Variants in MGLL observed in about 807,000 individuals in gnomAD.
MGLL encodes the protein lysophospholipase homolog.
MGLL carries 7 observed loss-of-function variants against 29.1 expected under a neutral mutation model. That is an observed-to-expected ratio of 0.24 (90% CI 0.14 to 0.45). The LOEUF (loss-of-function observed/expected upper bound fraction) is 0.45, where lower values mean the gene tolerates loss of function less well. MGLL is among the 20% of genes least tolerant of loss of function. The pLI is 0.99. For missense variants in MGLL, 356 were observed against 413.6 expected, an observed-to-expected ratio of 0.86 and a Z score of 1.21; for synonymous variants, 148 against 168.3, an observed-to-expected ratio of 0.88 and a Z score of 0.93.
intron 3 of MGLL, among the ~76,000 whole-genome samples, chr3:127,754,995 C>T (rs930280766): frequency 4.6e-5 from 7 of 152,098 alleles, no homozygotes; most frequent in Non-Finnish European, 7.4e-5. Context: ...CGGGTTTCCA[C>T]GAGATGGTGG....
chr3:127,743,914 C>T (rs2076392731), intron 3 of MGLL, among the ~76,000 whole-genome samples: 1 of 152,286 alleles, frequency 6.6e-6, no homozygotes, highest in African/African-American at 2.4e-5. Flanking sequence ...AACATGTTTT[C>T]GTCCCCCCGA....
chr3:127,815,687 G>GGA (rs2077741979), intron 2 of MGLL, among the ~76,000 whole-genome samples: 1 of 152,246 alleles, frequency 6.6e-6, no homozygotes, highest in African/African-American at 2.4e-5. Context: ...AGAAGGGCAA[G>GGA]TAGGAGCTGC....
chr3:127,699,695 G>T (rs373270788), intron 6 of MGLL, among the ~76,000 whole-genome samples: 246 of 152,312 alleles, frequency 1.6e-3, no homozygotes, highest in African/African-American at 5.8e-3. Flanking sequence ...GAAGGTGAAG[G>T]TCAGTGCTGG....
intron 3 of MGLL, among the ~76,000 whole-genome samples, chr3:127,740,273 T>C (rs2076315305): frequency 6.6e-6 from 1 of 152,190 alleles, no homozygotes; most frequent in Non-Finnish European, 1.5e-5. Context: ...ACCATCCAGC[T>C]TCGAACCCTG....
intron 5 of MGLL, chr3:127,715,356 A>C (rs2075793733): frequency 1.4e-5 from 4 of 295,432 alleles, no homozygotes; most frequent in Admixed American, 9.5e-5. Context: ...CTAAACCTGC[A>C]TAGTAAGTTC....
At chr3:127,811,543 A>C (rs2077662606) in intron 2 of MGLL, among the ~76,000 whole-genome samples, 2 of 152,328 alleles carry the variant, frequency 1.3e-5, no homozygotes, top group East Asian at 3.9e-4. Context: ...AAATGACCAC[A>C]AAATATTCTC....
At chr3:127,740,686 G>A (rs2076323903) in intron 3 of MGLL, among the ~76,000 whole-genome samples, 1 of 152,064 alleles carries the variant, frequency 6.6e-6, no homozygotes, top group East Asian at 1.9e-4. Context: ...CCAAGTGGAG[G>A]ATGAAGTCAC....
intron 2 of MGLL, among the ~76,000 whole-genome samples, chr3:127,809,638 T>TA (rs35000374): frequency 0.29 from 41,366 of 143,290 alleles, 6,223 homozygotes; most frequent in Middle Eastern, 0.4. Flanking sequence ...AAAACAACAA[T>TA]AAAAAAAAAA....
At chr3:127,727,227 A>C (rs1352492761) in intron 3 of MGLL, among the ~76,000 whole-genome samples, 1 of 152,218 alleles carries the variant, frequency 6.6e-6, no homozygotes, top group Non-Finnish European at 1.5e-5. Context: ...CCATTTCTCC[A>C]GGGAGCCCCA....
intron 2 of MGLL, among the ~76,000 whole-genome samples, chr3:127,802,162 C>T (rs1190861987): frequency 6.6e-6 from 1 of 152,144 alleles, no homozygotes; most frequent in African/African-American, 2.4e-5. Context: ...AGGGGACATC[C>T]GCTCCATACC....
intron 2 of MGLL, among the ~76,000 whole-genome samples, chr3:127,813,190 G>A (rs2077694888): frequency 6.6e-6 from 1 of 151,646 alleles, no homozygotes; most frequent in South Asian, 2.1e-4. Flanking sequence ...TTTTTCCCCT[G>A]CTTCCCTCCT....
At chr3:127,716,666 T>C (rs1024595978) in intron 5 of MGLL, among the ~76,000 whole-genome samples, 2 of 152,242 alleles carry the variant, frequency 1.3e-5, no homozygotes, top group East Asian at 3.8e-4. Context: ...CTCCCTGTGA[T>C]CATTTCTAAG....
chr3:127,736,454 T>C (rs991625392), intron 3 of MGLL: 82 of 631,768 alleles, frequency 1.3e-4, no homozygotes, highest in Non-Finnish European at 1.6e-4. Context: ...ACGTGAGAAA[T>C]GGCTCCGCTG....
chr3:127,696,396 CTTTTTTTTTTTTTTTTTTTTTTT>C (rs545853423), intron 6 of MGLL, among the ~76,000 whole-genome samples: 1 of 49,346 alleles, frequency 2.0e-5, no homozygotes, highest in South Asian at 9.3e-4. Flanking sequence ...CCTGATGCTT[CTTTTTTTTTTTTTTTTTTTTTTT>C]TTTTTTTTTT....
chr3:127,814,210 C>A (rs1182165503), intron 2 of MGLL, among the ~76,000 whole-genome samples: 26 of 152,280 alleles, frequency 1.7e-4, no homozygotes, highest in Non-Finnish European at 1.5e-5. Context: ...AGCAGATGGA[C>A]ACAAAGGTCA....
At chr3:127,728,002 A>G (rs2076078890) in intron 3 of MGLL, among the ~76,000 whole-genome samples, 1 of 152,230 alleles carries the variant, frequency 6.6e-6, no homozygotes, top group Non-Finnish European at 1.5e-5. Flanking sequence ...CAAACAGGTT[A>G]TAATTATTTT....
chr3:127,806,456 G>T (rs11924045), intron 2 of MGLL, among the ~76,000 whole-genome samples: 2,748 of 152,110 alleles, frequency 0.018, 87 homozygotes, highest in African/African-American at 0.063. Context: ...TGGGTGGAAG[G>T]GTGGATGAAT....
chr3:127,809,729 T>C (rs2077629086), intron 2 of MGLL, among the ~76,000 whole-genome samples: 1 of 152,168 alleles, frequency 6.6e-6, no homozygotes, highest in South Asian at 2.1e-4. Context: ...CACAGTACCC[T>C]TACTCTGCAA....
At position 127,734,333 on chromosome 3, in the gene MGLL, C is replaced by T. The variant is rs2076205614; in HGVS notation, c.263-11767G>A. Among the ~76,000 whole-genome samples, 4 of 152,332 alleles carry T rather than the reference C, an allele frequency of 2.6e-5. No individual in the cohort carries two copies. In the South Asian group the frequency reaches 8.3e-4, roughly 32 times the overall value. ...GCCGGCCTAGAGTAAGGAGGCGTTG[C>T]CATGAGGCGCCAGGGCACCTGGCTC... On this transcript the variant is annotated intron_variant, in intron 3 of 7. Transcript: ENST00000265052.
Sources: gnomAD v4.1 joint callset for allele counts (sites outside exome capture counted in the v4.1 genomes callset) on GRCh38, gnomAD v4.1.1 for gene constraint, MANE v1.5 for transcripts, NCBI Gene and HGNC (gene_info 2026-07-23, HGNC 2026-07-21) for gene names.